The following CYTIP variants were observed in gnomAD, a reference collection of about 807,000 sequenced individuals.
CYTIP encodes the protein cytohesin-interacting protein.
In CYTIP, 26 loss-of-function variants were observed where a neutral mutation model predicts 43.8. That is an observed-to-expected ratio of 0.59 (90% CI 0.44 to 0.82). The LOEUF is 0.82. Ranked by LOEUF, CYTIP falls within the 40% of genes least tolerant of loss-of-function variation. The pLI is 0.00. For synonymous variants in CYTIP, 162 were observed against 162.9 expected (o/e 0.99, Z 0.04); for missense variants, 426 against 443.1 (o/e 0.96, Z 0.35).
rs1445595356 is a variant in CYTIP at position 157,443,846 on chromosome 2, C to T, written c.174+1G>A. On this transcript the variant is annotated splice_donor_variant, in intron 1 of 7. Transcript: ENST00000264192. LOFTEE classifies it high-confidence loss of function. ...TAAAGGGTACAAAATAGCAATCATA[C>T]CTGCTTTCGTCCCCGAGGCAGAGTA... is the stretch of plus-strand genomic sequence containing the variant. 10 of 1,613,724 alleles carry T rather than the reference C, an allele frequency of 6.2e-6. No homozygotes were observed. The highest frequency in any genetic ancestry group is 1.3e-5 in the African/African-American group (1 of 74,884).
intron 1 of CYTIP, among the ~76,000 whole-genome samples, chr2:157,442,653 T>A (rs1685934892): frequency 6.6e-6 from 1 of 152,198 alleles, no homozygotes. Flanking sequence ...ATCATTACAT[T>A]AAACTTTGTA....
chr2:157,438,942 G>C, intron 1 of CYTIP: 2 of 420,890 alleles, frequency 4.8e-6, no homozygotes, highest in Non-Finnish European at 1.0e-5. Flanking sequence ...CATCCAATCG[G>C]TCTTTTGAAT....
intron 5 of CYTIP, among the ~76,000 whole-genome samples, chr2:157,430,074 A>C (rs2105140200): frequency 6.6e-6 from 1 of 150,436 alleles, no homozygotes. Context: ...ATGTGGTGTG[A>C]GTATGTGTGT....
intron 1 of CYTIP, among the ~76,000 whole-genome samples, chr2:157,435,178 C>G (rs911350722): frequency 1.3e-5 from 2 of 152,140 alleles, no homozygotes; most frequent in Non-Finnish European, 2.9e-5. Flanking sequence ...TTTGTAATCA[C>G]ACTGAAATCC....
chr2:157,434,527 CATTT>C (rs1685775151), intron 2 of CYTIP, 103 bp from the exon 3 acceptor site: 3 of 1,048,338 alleles, frequency 2.9e-6, no homozygotes, highest in East Asian at 2.4e-5. Context: ...AAATAACTGA[CATTT>C]ATGTAAATTG....
At chr2:157,418,660 C>T (rs1186981365) in intron 6 of CYTIP, 71 bp from the exon 7 acceptor site, 1 of 1,369,578 alleles carries the variant, frequency 7.3e-7, no homozygotes, top group African/African-American at 1.5e-5. Context: ...CAATTTAATT[C>T]TAGGTGTTGA....
At chr2:157,440,937 A>T (rs1358489567) in intron 1 of CYTIP, among the ~76,000 whole-genome samples, 1 of 146,358 alleles carries the variant, frequency 6.8e-6, no homozygotes, top group Non-Finnish European at 1.5e-5. Flanking sequence ...CATTGCAAAG[A>T]TTTTTTTTTT....
chr2:157,434,896 C>A (rs1685788176), intron 1 of CYTIP, 149 bp from the exon 2 acceptor site: 1 of 405,828 alleles, frequency 2.5e-6, no homozygotes, highest in Non-Finnish European at 4.7e-6. Context: ...CACACACACA[C>A]ACAACCTGTT....
At chr2:157,417,216 A>C (rs576971884) in intron 7 of CYTIP, among the ~76,000 whole-genome samples, 2 of 152,350 alleles carry the variant, frequency 1.3e-5, no homozygotes, top group East Asian at 3.9e-4. Flanking sequence ...GTGACTAGTC[A>C]TAATGCTTTC....
rs1358505193 is a variant in CYTIP at position 157,414,810 on chromosome 2, C to T, written c.*867G>A. 2 of 151,774 alleles carry T rather than the reference C, an allele frequency of 1.3e-5. No homozygotes were observed. Among genetic ancestry groups the T allele is most frequent in the Admixed American group, 6.6e-5 (1 of 15,238 alleles). 9.4% of individuals were successfully genotyped at this position (151,774 alleles called of 1,614,324 possible). On this transcript the variant is annotated 3_prime_UTR_variant, in exon 8 of 8. Coordinates refer to ENST00000264192, the MANE Select transcript of CYTIP (RefSeq NM_004288.5). ...AGGCAAAAGACTGCTGAGGTGATAG[C>T]TATTTAGAATATAAGATATAAAGTG...
intron 1 of CYTIP, among the ~76,000 whole-genome samples, chr2:157,438,536 G>A (rs1188007116): frequency 6.6e-6 from 1 of 152,148 alleles, no homozygotes. Context: ...ATATTCAACA[G>A]TCCCAAAATG....
chr2:157,415,219 C>A lies in CYTIP; in HGVS notation c.*458G>T. 6.4e-6 allele frequency: 1 copy of A among 156,496 alleles called. No individual in the cohort carries two copies. The highest frequency in any genetic ancestry group is 1.4e-5 in the Non-Finnish European group (1 of 70,480). 9.7% of individuals were successfully genotyped at this position (156,496 alleles called of 1,614,324 possible). A position where few individuals can be genotyped will look rare whatever the true frequency, so the allele number is the denominator to read the frequency against. On this transcript the variant is annotated 3_prime_UTR_variant, in exon 8 of 8. Coordinates refer to ENST00000264192, the MANE Select transcript of CYTIP (RefSeq NM_004288.5). ...ACAGGTTTGAACAAATTCAAAATTG[C>A]CTATTATTAAGCCTCCGCAGGAGCT... is the stretch of plus-strand genomic sequence containing the variant.
In CYTIP at chr2:157,414,784, T is replaced by A. The variant is rs374489533; in HGVS notation, c.*893A>T. On this transcript the variant is annotated 3_prime_UTR_variant, in exon 8 of 8. Coordinates refer to ENST00000264192, the MANE Select transcript of CYTIP (RefSeq NM_004288.5). ...AGTAATGTGATACTAACATAACCAATAGGCAAAAGACTGCTGAGGTGATAG... is the reference window on the plus strand; with the variant it reads ...AGTAATGTGATACTAACATAACCAAAAGGCAAAAGACTGCTGAGGTGATAG... 6.6e-6 allele frequency: 1 copy of A among 152,076 alleles called. No individual in the cohort carries two copies. Among genetic ancestry groups the A allele is most frequent in the Non-Finnish European group, 1.5e-5 (1 of 67,996 alleles). The allele number at this position is 152,076 out of a possible 1,614,324, so 9.4% of individuals were successfully genotyped here.
At chr2:157,438,881 AC>A (rs1685858029) in intron 1 of CYTIP, 1 of 321,682 alleles carries the variant, frequency 3.1e-6, no homozygotes, top group Non-Finnish European at 6.9e-6. Flanking sequence ...AATTTTAAAT[AC>A]CCTTTTAGTA....
Position 157,427,360 on chromosome 2 carries a change from C to T in CYTIP, c.537G>A (p.Gln179=). Residue 179 remains glutamine (Q), a synonymous_variant, in exon 6 of 8, where the codon CAG becomes CAA. Coordinates refer to ENST00000264192, the MANE Select transcript of CYTIP (RefSeq NM_004288.5). ...CATTAAATTAAATTACCTTTAAAAC[C>T]TGCAGCTTTGCTTCAAGCTCCGTTC... ...LKRTELEAKL[Q]VLKQTLKQKW... is the part of the protein sequence containing the mutation. 6.2e-7 allele frequency: 1 copy of T among 1,609,722 alleles called. No individual in the cohort carries two copies. The highest frequency in any genetic ancestry group is 1.1e-5 in the South Asian group (1 of 90,500).
chr2:157,438,635 T>C (rs1289764314), intron 1 of CYTIP, among the ~76,000 whole-genome samples: 3 of 152,088 alleles, frequency 2.0e-5, no homozygotes, highest in South Asian at 2.1e-4. Context: ...AACATCACTA[T>C]GTATACCATG....
At chr2:157,425,914 T>A (rs1031080290) in intron 6 of CYTIP, among the ~76,000 whole-genome samples, 19 of 152,032 alleles carry the variant, frequency 1.2e-4, no homozygotes, top group African/African-American at 4.1e-4. Context: ...ATATTGATGA[T>A]CCTAGCCAAT....
Position 157,434,744 on chromosome 2 carries a change from C to T in CYTIP, c.178G>A (p.Ala60Thr), listed in dbSNP as rs761916415. The change falls in exon 2 of 8, where the codon GCT (alanine) becomes ACT (threonine). Residue 60 changes from alanine to threonine, a missense_variant. By Grantham distance (58) the Ala-to-Thr change is moderately conservative. Coordinates refer to ENST00000264192, the MANE Select transcript of CYTIP (RefSeq NM_004288.5). ...CTTAAAGAACTTGATCTGGTCAAAG[C>T]AAGCTGAAAAACACAAAAGACATAT... ...ATLPRGRKQL[A>T]LTRSSSLSDF... is the part of the protein sequence containing the mutation. The T allele has an allele frequency of 5.6e-6, 9 of 1,610,050 alleles. No homozygotes were observed. Among genetic ancestry groups the T allele is most frequent in the Admixed American group, 1.7e-5 (1 of 59,674 alleles).
At chr2:157,435,342 C>A (rs894975362) in intron 1 of CYTIP, among the ~76,000 whole-genome samples, 15 of 152,162 alleles carry the variant, frequency 9.9e-5, no homozygotes, top group African/African-American at 2.7e-4. Context: ...CTCACACACA[C>A]AATTCAGGTA....
Sources: gnomAD v4.1 joint callset for allele counts (sites outside exome capture counted in the v4.1 genomes callset) on GRCh38, gnomAD v4.1.1 for gene constraint, MANE v1.5 for transcripts, NCBI Gene and HGNC (gene_info 2026-07-23, HGNC 2026-07-21) for gene names.